The following CAMSAP1 variants were observed in gnomAD, a reference collection of about 807,000 sequenced individuals.
CAMSAP1 encodes calmodulin regulated spectrin associated protein 1.
CAMSAP1 carries 58 observed loss-of-function variants against 143.5 expected under a neutral mutation model. That is an observed-to-expected ratio of 0.40 (90% confidence interval 0.33 to 0.50). The LOEUF is 0.50. CAMSAP1 is among the 20% of genes least tolerant of loss of function. The pLI is 0.45. For missense variants in CAMSAP1, 1,969 were observed against 2,115.7 expected (o/e 0.93, Z 1.36); for synonymous variants, 945 against 859.3 (o/e 1.10, Z -1.74).
intron 5 of CAMSAP1, among the ~76,000 whole-genome samples, chr9:135,855,070 C>T (rs1051418138): frequency 1.3e-5 from 2 of 152,082 alleles, no homozygotes; most frequent in African/African-American, 2.4e-5. Context: ...CAGCTCACTG[C>T]AACCTCCACC....
At position 135,809,415 on chromosome 9, in the gene CAMSAP1, C is replaced by T. The variant is rs961202501; in HGVS notation, c.*1894G>A. On this transcript the variant is annotated 3_prime_UTR_variant, in exon 17 of 17. Transcript: ENST00000389532. ...AGACGTCCCATGGGAATGCAATTTT[C>T]CAGCTCTATGCCAGATATTTTCTAG... 6.6e-6 allele frequency: 1 copy of T among 152,182 alleles called. No individual in the cohort carries two copies. Among genetic ancestry groups the T allele is most frequent in the Non-Finnish European group, 1.5e-5 (1 of 68,036 alleles). The allele number at this position is 152,182 out of a possible 1,614,324, so 9.4% of individuals were successfully genotyped here.
chr9:135,844,868 C>T (rs562520664), intron 7 of CAMSAP1, among the ~76,000 whole-genome samples: 137 of 152,244 alleles, frequency 9.0e-4, no homozygotes, highest in African/African-American at 3.2e-3. Context: ...GAAATTAAGG[C>T]AGTAATTAAC....
rs867958908 is a variant in CAMSAP1 at position 135,821,398 on chromosome 9, C to T, written c.3263G>A (p.Arg1088His). Residue 1088 changes from arginine to histidine, a missense_variant, in exon 11 of 17, where the codon CGC (arginine) becomes CAC (histidine). By Grantham distance (29) the Arg-to-His change is conservative. Around this residue, in one of 4 missense-constraint regions of CAMSAP1, gnomAD observed 1,390 missense variants for 1,420.8 expected, o/e 0.98. Transcript: ENST00000389532. The surrounding 1 kb of genome is among the most constrained non-coding windows in gnomAD (Gnocchi z 4.6). ...GCCTTGACCCAGCCGGGGGGCTTTG[C>T]GGTGGCCAGCCACGCCCGTGGGAGA... ...PLSPTGVAGH[R>H]KAPRLGQGRN... 10 of 1,613,666 alleles carry T rather than the reference C, an allele frequency of 6.2e-6. No homozygotes were observed. The highest frequency in any genetic ancestry group is 1.7e-5 in the Admixed American group (1 of 60,000).
chr9:135,825,498 G>A (rs1835640573), intron 8 of CAMSAP1, among the ~76,000 whole-genome samples: 1 of 152,184 alleles, frequency 6.6e-6, no homozygotes, highest in African/African-American at 2.4e-5. Flanking sequence ...AAAGAACGAT[G>A]AGAGGTGCAC....
chr9:135,899,548 C>T (rs1001200690), intron 1 of CAMSAP1, among the ~76,000 whole-genome samples: 1 of 152,094 alleles, frequency 6.6e-6, no homozygotes, highest in African/African-American at 2.4e-5. Context: ...TCCTCAGAAA[C>T]CTTCAGTGGT....
At chr9:135,869,916 T>C (rs11792453) in intron 3 of CAMSAP1, among the ~76,000 whole-genome samples, 31,992 of 152,124 alleles carry the variant, frequency 0.21, 3,652 homozygotes, top group Non-Finnish European at 0.25. Context: ...CTGTGAAAGA[T>C]GCCAGGCACG....
intron 5 of CAMSAP1, among the ~76,000 whole-genome samples, chr9:135,856,981 C>G (rs1248736678): frequency 6.6e-6 from 1 of 152,210 alleles, no homozygotes; most frequent in Non-Finnish European, 1.5e-5. Flanking sequence ...GAAGGCACCT[C>G]CCAGTCATCT....
intron 14 of CAMSAP1, among the ~76,000 whole-genome samples, chr9:135,817,272 A>G (rs930373793): frequency 6.6e-6 from 1 of 152,218 alleles, no homozygotes; most frequent in African/African-American, 2.4e-5. Context: ...AAATCGGATG[A>G]AAGTGCTGCC....
intron 3 of CAMSAP1, among the ~76,000 whole-genome samples, chr9:135,875,419 C>T (rs1198852610): frequency 6.6e-6 from 1 of 152,088 alleles, no homozygotes; most frequent in African/African-American, 2.4e-5. Flanking sequence ...CCATGTTAGG[C>T]AGGCTGGTCT....
chr9:135,849,672 A>G (rs1271715194), intron 7 of CAMSAP1, among the ~76,000 whole-genome samples: 3 of 152,166 alleles, frequency 2.0e-5, no homozygotes, highest in African/African-American at 7.2e-5. Flanking sequence ...TCATCTTTCA[A>G]GGAAAAGAAG....
intron 7 of CAMSAP1, among the ~76,000 whole-genome samples, chr9:135,846,760 C>T (rs926018648): frequency 2.7e-5 from 4 of 149,286 alleles, no homozygotes; most frequent in South Asian, 2.1e-4. Flanking sequence ...GACATATATG[C>T]GGCCGACAAA....
intron 7 of CAMSAP1, among the ~76,000 whole-genome samples, chr9:135,830,489 G>C (rs1256981330): frequency 6.6e-6 from 1 of 152,246 alleles, no homozygotes; most frequent in East Asian, 1.9e-4. Context: ...ACAGAAAGCT[G>C]TAACAACTGT....
chr9:135,844,384 A>G (rs2131725335), intron 7 of CAMSAP1, among the ~76,000 whole-genome samples: 1 of 152,324 alleles, frequency 6.6e-6, no homozygotes. Flanking sequence ...GCAGAAATAA[A>G]GAAGTTCTTT....
At chr9:135,865,429 C>A (rs1194391872) in intron 4 of CAMSAP1, 2 of 1,477,128 alleles carry the variant, frequency 1.4e-6, no homozygotes, top group Admixed American at 2.0e-5. Context: ...CACGTGTGGA[C>A]GAGGTAACAC....
chr9:135,871,841 G>A (rs573933432), intron 3 of CAMSAP1, among the ~76,000 whole-genome samples: 13 of 152,136 alleles, frequency 8.5e-5, no homozygotes, highest in East Asian at 3.9e-4. Context: ...GGTGGCTCAC[G>A]CCTGTAATCC....
At position 135,808,976 on chromosome 9, in the gene CAMSAP1, T is replaced by C. The variant is rs933302495; in HGVS notation, c.*2333A>G. On this transcript the variant is annotated 3_prime_UTR_variant, in exon 17 of 17. Transcript: ENST00000389532. Reference sequence around the variant, plus strand: ...TTAGAATTCTGAGACACAACGAAAGTTGTGCAAGCTTTCCGCTGAAAGAAA... The same window carrying C: ...TTAGAATTCTGAGACACAACGAAAGCTGTGCAAGCTTTCCGCTGAAAGAAA... The C allele has an allele frequency of 1.3e-5, 2 of 152,190 alleles. No individual in the cohort carries two copies. The highest frequency in any genetic ancestry group is 4.8e-5 in the African/African-American group (2 of 41,440). 9.4% of individuals were successfully genotyped at this position (152,190 alleles called of 1,614,324 possible). A position where few individuals can be genotyped will look rare whatever the true frequency, so the allele number is the denominator to read the frequency against.
intron 14 of CAMSAP1, among the ~76,000 whole-genome samples, chr9:135,816,689 A>G (rs1835240969): frequency 6.6e-6 from 1 of 152,210 alleles, no homozygotes; most frequent in Non-Finnish European, 1.5e-5. Context: ...ACAAGGAGCC[A>G]TGAGACGGGT....
intron 3 of CAMSAP1, among the ~76,000 whole-genome samples, chr9:135,874,027 A>G (rs1837652086): frequency 6.6e-6 from 1 of 152,150 alleles, no homozygotes; most frequent in Non-Finnish European, 1.5e-5. Flanking sequence ...AACACAACCA[A>G]TTTGTGTTTG....
rs756320667 is a variant in CAMSAP1, at chr9:135,818,594, C to A, written c.3982G>T (p.Val1328Leu). ...CGCGCCTTCTCCTCCTCCTTCCGCA[C>A]CCGGTCTTCCTCAGCTTTGCGCCTG... ...EARRKAEEDRVRKEEEKARRE... is the reference protein window; with the variant it reads ...EARRKAEEDRLRKEEEKARRE... Residue 1328 changes from valine to leucine, a missense_variant, in exon 13 of 17, where the codon GTG becomes TTG. This residue lies in a region of CAMSAP1 where 1,390 missense variants were observed against 1,420.8 expected (regional missense o/e 0.98). Coordinates refer to ENST00000389532, the MANE Select transcript of CAMSAP1 (RefSeq NM_015447.4). The surrounding 1 kb of genome is among the most constrained non-coding windows in gnomAD (Gnocchi z 7.7). 7 of 1,613,366 alleles carry A rather than the reference C, an allele frequency of 4.3e-6. No homozygotes were observed. The highest frequency in any genetic ancestry group is 3.3e-4 in the Middle Eastern group (2 of 6,052).
Sources: allele counts gnomAD v4.1 joint callset (sites outside exome capture counted in the v4.1 genomes callset), GRCh38; gene constraint gnomAD v4.1.1; regional missense constraint gnomAD v4.1.1; non-coding constraint Gnocchi (gnomAD v3.1); transcripts MANE v1.5; gene names NCBI Gene and HGNC (gene_info 2026-07-23, HGNC 2026-07-21).